The following ASPH variants were observed in gnomAD, a reference collection of about 807,000 sequenced individuals.
ASPH encodes the protein aspartyl/asparaginyl beta-hydroxylase.
ASPH carries 100 observed loss-of-function variants against 118.4 expected under a neutral mutation model. The ratio of observed to expected loss-of-function variants is 0.84; its 90% CI spans 0.72 to 1.00. The LOEUF (loss-of-function observed/expected upper bound fraction) is 1.00, where lower values mean the gene tolerates loss of function less well. Among genes scored for constraint, ASPH ranks in the 50% least tolerant of loss-of-function variants. The probability of loss-of-function intolerance (pLI) is 0.00; values close to 1 mark genes in which losing one functional copy is unlikely to be tolerated. For synonymous variants in ASPH, 315 were observed against 325.6 expected, an observed-to-expected ratio of 0.97 and a Z score of 0.35; for missense variants, 920 against 919.5, an observed-to-expected ratio of 1.00 and a Z score of -0.01.
At chr8:61,634,418 A>G (rs1210842049) in intron 12 of ASPH, among the ~76,000 whole-genome samples, 3 of 51,300 alleles carry the variant, frequency 5.8e-5, no homozygotes, top group African/African-American at 2.0e-4. Context: ...TGGCCAAAAG[A>G]AAGATTTTTT....
At chr8:61,648,027 C>T (rs952416696) in intron 5 of ASPH, among the ~76,000 whole-genome samples, 5 of 152,076 alleles carry the variant, frequency 3.3e-5, no homozygotes, top group Non-Finnish European at 7.4e-5. Flanking sequence ...GGGATTAGGA[C>T]GAGTATGGGG....
intron 13 of ASPH, among the ~76,000 whole-genome samples, chr8:61,623,408 T>A (rs949387803): frequency 1.3e-5 from 2 of 152,232 alleles, no homozygotes; most frequent in African/African-American, 4.8e-5. Flanking sequence ...TTTTTCCCTA[T>A]GAAGTTGTCT....
intron 1 of ASPH, among the ~76,000 whole-genome samples, chr8:61,705,182 G>A (rs557493935): frequency 1.1e-4 from 17 of 152,068 alleles, no homozygotes; most frequent in Non-Finnish European, 2.4e-4. Flanking sequence ...TTTATAAGTG[G>A]GAGCAAAACA....
intron 20 of ASPH, among the ~76,000 whole-genome samples, chr8:61,549,207 A>G (rs1824984942): frequency 6.6e-6 from 1 of 152,230 alleles, no homozygotes; most frequent in African/African-American, 2.4e-5. Flanking sequence ...GATGTAAAAA[A>G]TGTTAACTTT....
intron 13 of ASPH, among the ~76,000 whole-genome samples, chr8:61,620,192 G>T (rs1321039164): frequency 1.3e-5 from 2 of 152,160 alleles, no homozygotes; most frequent in Non-Finnish European, 2.9e-5. Flanking sequence ...AGCGTGCCAG[G>T]CTAAGTGCTA....
At chr8:61,584,676 C>CA (rs1838784302) in intron 14 of ASPH, among the ~76,000 whole-genome samples, 2 of 127,190 alleles carry the variant, frequency 1.6e-5, no homozygotes, top group African/African-American at 6.0e-5. Flanking sequence ...TTCTTTTTTT[C>CA]TTTTTTTTTT....
At position 61,677,590 on chromosome 8, in the gene ASPH, G is replaced by A. The variant is rs531134410; in HGVS notation, c.322+3378C>T. Among the ~76,000 whole-genome samples the A allele has an allele frequency of 7.2e-5, 11 of 152,270 alleles. No individual in the cohort carries two copies. The South Asian group carries it at 2.3e-3, about 32-fold the overall frequency. ...GCTTTACTCAAAAGAACTATATTAT[G>A]TCATTGTTCATGTTTTTGGTAGGAA... On this transcript the variant is annotated intron_variant, in intron 3 of 24. Transcript: ENST00000379454.
intron 1 of ASPH, among the ~76,000 whole-genome samples, chr8:61,701,332 C>G (rs1378850880): frequency 6.6e-6 from 1 of 152,216 alleles, no homozygotes; most frequent in Non-Finnish European, 1.5e-5. Context: ...AGTAAAAGTA[C>G]TTAAGCTAGT....
chr8:61,590,664 A>C (rs923446038), intron 14 of ASPH, among the ~76,000 whole-genome samples: 4 of 152,046 alleles, frequency 2.6e-5, no homozygotes, highest in African/African-American at 9.7e-5. Context: ...GCTCTTGCAC[A>C]GTTGCATTTC....
intron 1 of ASPH, among the ~76,000 whole-genome samples, chr8:61,699,926 A>G (rs1203951404): frequency 6.6e-6 from 1 of 152,212 alleles, no homozygotes; most frequent in Non-Finnish European, 1.5e-5. Flanking sequence ...AATGACGGCT[A>G]CAGAGAAAGG....
intron 22 of ASPH, among the ~76,000 whole-genome samples, chr8:61,525,762 A>G (rs1394884752): frequency 6.6e-6 from 1 of 152,240 alleles, no homozygotes; most frequent in Admixed American, 6.5e-5. Context: ...ACACATGGAT[A>G]TACACACACA....
At chr8:61,519,686 A>AGGAGGAG (rs1230749200) in intron 22 of ASPH, among the ~76,000 whole-genome samples, 2 of 125,244 alleles carry the variant, frequency 1.6e-5, no homozygotes, top group African/African-American at 5.9e-5. Context: ...GGGAGGAGGC[A>AGGAGGAG]GATGAGTAAG....
intron 12 of ASPH, among the ~76,000 whole-genome samples, chr8:61,636,499 G>A (rs894289116): frequency 3.3e-5 from 5 of 152,112 alleles, no homozygotes; most frequent in Non-Finnish European, 7.4e-5. Context: ...TGAGAGATAA[G>A]CTCCCCTCAC....
chr8:61,599,592 T>A (rs1476487285), intron 14 of ASPH, among the ~76,000 whole-genome samples: 1 of 151,792 alleles, frequency 6.6e-6, no homozygotes, highest in Non-Finnish European at 1.5e-5. Context: ...ATGAGACATT[T>A]TAACTGATGC....
chr8:61,590,327 AT>A (rs1415868837), intron 14 of ASPH, among the ~76,000 whole-genome samples: 1 of 152,112 alleles, frequency 6.6e-6, no homozygotes, highest in Non-Finnish European at 1.5e-5. Flanking sequence ...GAGAGAGGGT[AT>A]ACACACTGAC....
chr8:61,622,293 G>A (rs973602289), intron 13 of ASPH, among the ~76,000 whole-genome samples: 4 of 152,112 alleles, frequency 2.6e-5, no homozygotes, highest in East Asian at 1.9e-4. Context: ...AGCCGAGATT[G>A]CACCACTGCA....
At chr8:61,632,176 C>G (rs527313354) in intron 13 of ASPH, among the ~76,000 whole-genome samples, 41 of 152,262 alleles carry the variant, frequency 2.7e-4, no homozygotes, top group African/African-American at 9.9e-4. Flanking sequence ...TAAAAAAGCA[C>G]CTTATTCCAT....
chr8:61,510,269 A>G (rs1808321029), intron 24 of ASPH, among the ~76,000 whole-genome samples: 1 of 152,224 alleles, frequency 6.6e-6, no homozygotes. Context: ...TAAGTTGTAT[A>G]GAGTTACTCT....
At chr8:61,592,398 C>T (rs1418862521) in intron 14 of ASPH, among the ~76,000 whole-genome samples, 4 of 152,194 alleles carry the variant, frequency 2.6e-5, no homozygotes, top group African/African-American at 9.7e-5. Context: ...TTTTGGGCAA[C>T]TAATAACTTT....
Sources: gnomAD v4.1 joint callset for allele counts (sites outside exome capture counted in the v4.1 genomes callset) on GRCh38, gnomAD v4.1.1 for gene constraint, MANE v1.5 for transcripts, NCBI Gene and HGNC (gene_info 2026-07-23, HGNC 2026-07-21) for gene names.